Variants in ZNF407 observed in about 807,000 individuals in gnomAD.
The protein encoded by ZNF407 is zinc finger protein 407.
Under a neutral mutation model 131.2 loss-of-function variants are expected in ZNF407, and 17 were observed. The ratio of observed to expected loss-of-function variants is 0.13; its 90% confidence interval spans 0.09 to 0.19. The LOEUF (loss-of-function observed/expected upper bound fraction) is 0.19. Among genes scored for constraint, ZNF407 ranks in the 10% least tolerant of loss-of-function variants. The pLI, the probability that ZNF407 is intolerant of heterozygous loss-of-function variation, is 1.00. For missense variants in ZNF407, 2,681 were observed against 2,830.6 expected (o/e 0.95, Z 1.20); for synonymous variants, 1,156 against 1,062.0 (o/e 1.09, Z -1.72).
intron 4 of ZNF407, among the ~76,000 whole-genome samples, chr18:74,832,837 T>C (rs1970504101): frequency 6.6e-6 from 1 of 152,264 alleles, no homozygotes; most frequent in Non-Finnish European, 1.5e-5. Flanking sequence ...GAAGCTATCA[T>C]GTATTTCTAA....
intron 4 of ZNF407, among the ~76,000 whole-genome samples, chr18:74,851,685 T>C (rs1458071131): frequency 6.6e-6 from 1 of 152,216 alleles, no homozygotes; most frequent in East Asian, 1.9e-4. Flanking sequence ...TGATTTATTT[T>C]ATTCCACTGG....
At chr18:74,640,421 A>G (rs1468651478) in intron 2 of ZNF407, among the ~76,000 whole-genome samples, 1 of 152,170 alleles carries the variant, frequency 6.6e-6, no homozygotes, top group Non-Finnish European at 1.5e-5. Context: ...AAATGACCAT[A>G]AAAGCATAAA....
At chr18:74,657,265 T>C (rs369714330) in intron 3 of ZNF407, among the ~76,000 whole-genome samples, 15 of 152,256 alleles carry the variant, frequency 9.9e-5, no homozygotes, top group African/African-American at 3.1e-4. Context: ...GAAAAAATGA[T>C]AGTAGAAGGA....
intron 7 of ZNF407, among the ~76,000 whole-genome samples, chr18:74,914,169 G>C (rs1478565015): frequency 6.6e-6 from 1 of 152,166 alleles, no homozygotes; most frequent in Non-Finnish European, 1.5e-5. Context: ...TTGGCGCTGG[G>C]GAATCTCACT....
At chr18:74,668,404 A>G (rs1045836529) in intron 3 of ZNF407, among the ~76,000 whole-genome samples, 20 of 152,224 alleles carry the variant, frequency 1.3e-4, no homozygotes, top group Non-Finnish European at 2.2e-4. Context: ...GTACTAAAAA[A>G]TAAATAATTT....
intron 4 of ZNF407, among the ~76,000 whole-genome samples, chr18:74,798,209 A>ACACACAC (rs1969956783): frequency 6.8e-6 from 1 of 147,836 alleles, no homozygotes; most frequent in African/African-American, 2.5e-5. Context: ...CCTTTACACA[A>ACACACAC]ACACACACAC....
rs1373499882 is a variant in ZNF407 at position 74,640,275 on chromosome 18, ATAGTT to A, written c.4688-730_4688-726del. Among the ~76,000 whole-genome samples the A allele has an allele frequency of 9.9e-5, 15 of 152,258 alleles. No individual in the cohort carries two copies. In the East Asian group the frequency reaches 2.9e-3, roughly 29 times the overall value. On this transcript the variant is annotated intron_variant, in intron 2 of 8. Coordinates refer to ENST00000299687, the MANE Select transcript of ZNF407 (RefSeq NM_017757.3). The stretch of plus-strand genomic sequence containing the variant: ...TAATCTTATTTTCTCATTTTTGAGT[ATAGTT>A]TAATCTTAATTCTTTATGAAATGAC...
intron 8 of ZNF407, among the ~76,000 whole-genome samples, chr18:74,961,151 C>T (rs1027293302): frequency 6.6e-6 from 1 of 152,164 alleles, no homozygotes; most frequent in African/African-American, 2.4e-5. Flanking sequence ...AGTTTATAGC[C>T]TCTTTTTGTA....
intron 8 of ZNF407, among the ~76,000 whole-genome samples, chr18:74,937,393 G>T (rs915798137): frequency 1.3e-5 from 2 of 152,150 alleles, no homozygotes; most frequent in Non-Finnish European, 2.9e-5. Flanking sequence ...TAAAATAACT[G>T]ACTGAAACTT....
intron 8 of ZNF407, among the ~76,000 whole-genome samples, chr18:75,020,504 A>G (rs1245153716): frequency 2.0e-5 from 3 of 152,172 alleles, no homozygotes; most frequent in East Asian, 3.9e-4. Context: ...TATCGGAAGA[A>G]GGAAAGTTAT....
At chr18:75,033,109 G>C (rs1973264470) in intron 8 of ZNF407, among the ~76,000 whole-genome samples, 1 of 126,358 alleles carries the variant, frequency 7.9e-6, no homozygotes, top group Admixed American at 8.8e-5. Flanking sequence ...GATAGCATTA[G>C]ATAACTAAGA....
At chr18:75,023,383 A>G (rs995031435) in intron 8 of ZNF407, among the ~76,000 whole-genome samples, 11 of 152,190 alleles carry the variant, frequency 7.2e-5, no homozygotes, top group Admixed American at 2.0e-4. Flanking sequence ...ATTAACAGAC[A>G]TAATTATTAT....
intron 8 of ZNF407, among the ~76,000 whole-genome samples, chr18:74,923,621 A>T (rs536246284): frequency 6.6e-6 from 1 of 152,208 alleles, no homozygotes; most frequent in Non-Finnish European, 1.5e-5. Flanking sequence ...AAAGTTTCCT[A>T]CTATAATTGT....
intron 6 of ZNF407, among the ~76,000 whole-genome samples, chr18:74,881,731 C>T (rs1299194388): frequency 6.6e-6 from 1 of 152,184 alleles, no homozygotes; most frequent in Non-Finnish European, 1.5e-5. Context: ...TTGAAGAGGA[C>T]TTTTCTCCAT....
intron 8 of ZNF407, among the ~76,000 whole-genome samples, chr18:74,956,884 C>G (rs576588866): frequency 1.7e-3 from 262 of 152,208 alleles, no homozygotes; most frequent in African/African-American, 6.1e-3. Context: ...GTCGTAATCA[C>G]TAAATTTTGT....
chr18:74,905,107 C>A (rs1036986817), intron 7 of ZNF407, among the ~76,000 whole-genome samples: 2 of 152,128 alleles, frequency 1.3e-5, no homozygotes, highest in African/African-American at 4.8e-5. Flanking sequence ...AAAATCATAT[C>A]CTCGTTGAGG....
chr18:74,598,185 G>C (rs1982387851), intron 1 of ZNF407: 1 of 150,112 alleles, frequency 6.7e-6, no homozygotes, highest in Non-Finnish European at 1.5e-5. Context: ...ACGCTGCCTC[G>C]CCGCCCTCCT....
Position 74,617,695 on chromosome 18 carries a change from A to G in ZNF407, c.-53-13272A>G, listed in dbSNP as rs1051827371. ...TCACGTCTGGAGACACACTGTGTCCATCTGCTCTTCATTGAGGATGTTGAT... is the reference window on the plus strand; with the variant it reads ...TCACGTCTGGAGACACACTGTGTCCGTCTGCTCTTCATTGAGGATGTTGAT... On this transcript the variant is annotated intron_variant, in intron 1 of 8. Coordinates refer to ENST00000299687, the MANE Select transcript of ZNF407 (RefSeq NM_017757.3). 3.7e-3 allele frequency among the ~76,000 whole-genome samples: 567 copies of G among 152,290 alleles called. 7 individuals carry two copies. The highest frequency in any genetic ancestry group is 0.013 in the African/African-American group (535 of 41,578).
intron 3 of ZNF407, among the ~76,000 whole-genome samples, chr18:74,713,072 T>G (rs1187536125): frequency 3.3e-5 from 5 of 152,206 alleles, no homozygotes; most frequent in Non-Finnish European, 5.9e-5. Flanking sequence ...CTTGGCCTTA[T>G]TGATACCTGC....
Sources: gnomAD v4.1 joint callset for allele counts (sites outside exome capture counted in the v4.1 genomes callset) on GRCh38, gnomAD v4.1.1 for gene constraint, MANE v1.5 for transcripts, NCBI Gene and HGNC (gene_info 2026-07-23, HGNC 2026-07-21) for gene names.